ACACA: variants seen among roughly 807,000 people sequenced by gnomAD.
ACACA encodes the protein acetyl-CoA carboxylase alpha.
Under a neutral mutation model 296.1 loss-of-function variants are expected in ACACA, and 103 were observed. That is an observed-to-expected ratio of 0.35 (90% CI 0.30 to 0.41). ACACA has a LOEUF of 0.41. ACACA is among the 10% of genes least tolerant of loss of function. The pLI is 1.00. For synonymous variants in ACACA, 953 were observed against 1,038.6 expected (o/e 0.92, Z 1.58); for missense variants, 1,554 against 2,989.7 (o/e 0.52, Z 11.20).
rs536444750 is a variant in ACACA at position 37,287,599 on chromosome 17, C to A, written c.339-2629G>T. Among the ~76,000 whole-genome samples the A allele has an allele frequency of 3.3e-5, 5 of 149,732 alleles. No homozygotes were observed. The East Asian group carries it at 7.9e-4, about 24-fold the overall frequency. ...AAAAAAAAAAAAAAAAACAAATATC[C>A]AGGCATGGTGGTGCACGTCTGTAAT... is the stretch of plus-strand genomic sequence containing the variant. On this transcript the variant is annotated intron_variant, in intron 3 of 55. Coordinates refer to ENST00000616317, the MANE Select transcript of ACACA (RefSeq NM_198834.3).
chr17:37,118,407 G>T (rs1000560604), intron 50 of ACACA, among the ~76,000 whole-genome samples: 2 of 152,310 alleles, frequency 1.3e-5, no homozygotes, highest in Non-Finnish European at 2.9e-5. Flanking sequence ...TAATTAAAGT[G>T]ATAAATATTA....
chr17:37,165,312 A>G (rs1023796846), intron 41 of ACACA, among the ~76,000 whole-genome samples: 2 of 152,218 alleles, frequency 1.3e-5, no homozygotes, highest in African/African-American at 4.8e-5. Context: ...GATAGGGCAT[A>G]TAAAGGTGAA....
intron 14 of ACACA, among the ~76,000 whole-genome samples, chr17:37,253,373 C>A (rs1433159424): frequency 2.0e-5 from 3 of 151,986 alleles, no homozygotes; most frequent in Non-Finnish European, 4.4e-5. Context: ...GCCTGGGCGA[C>A]AGAGCGAGAC....
chr17:37,267,268 G>A (rs2081827008), intron 10 of ACACA, among the ~76,000 whole-genome samples: 1 of 152,096 alleles, frequency 6.6e-6, no homozygotes, highest in Non-Finnish European at 1.5e-5. Flanking sequence ...GCTCAACTGG[G>A]GTTAGATGGT....
chr17:37,237,919 A>T (rs538756974), intron 24 of ACACA, among the ~76,000 whole-genome samples: 1 of 152,038 alleles, frequency 6.6e-6, no homozygotes, highest in East Asian at 1.9e-4. Flanking sequence ...ATAACACTAC[A>T]CCTGGCTAAT....
intron 3 of ACACA, among the ~76,000 whole-genome samples, chr17:37,295,424 A>G (rs1448270036): frequency 2.6e-5 from 4 of 152,248 alleles, no homozygotes; most frequent in African/African-American, 9.6e-5. Context: ...TGTTTTGAAC[A>G]AAGAATTGAA....
At chr17:37,392,998 C>T (rs1367099819) in intron 1 of ACACA, among the ~76,000 whole-genome samples, 3 of 151,616 alleles carry the variant, frequency 2.0e-5, no homozygotes, top group South Asian at 2.1e-4. Context: ...AAAAATTAGC[C>T]GGGCATGGTG....
chr17:37,089,618 T>A (rs912888210), intron 54 of ACACA, among the ~76,000 whole-genome samples: 1 of 152,094 alleles, frequency 6.6e-6, no homozygotes, highest in South Asian at 2.1e-4. Flanking sequence ...GGGGAACTGA[T>A]GGGAGGGAAG....
At chr17:37,130,042 A>G (rs749765166) in intron 46 of ACACA, 33 bp downstream of exon 46, 2 of 1,613,894 alleles carry the variant, frequency 1.2e-6, no homozygotes, top group South Asian at 2.2e-5. Flanking sequence ...CAGGCTCTGC[A>G]GGCCATGTCA....
intron 1 of ACACA, among the ~76,000 whole-genome samples, chr17:37,393,085 T>C (rs1323272862): frequency 7.1e-6 from 1 of 141,218 alleles, no homozygotes; most frequent in Non-Finnish European, 1.5e-5. Context: ...GAGGTTGCAG[T>C]GAGCCCCGAG....
intron 1 of ACACA, among the ~76,000 whole-genome samples, chr17:37,370,385 G>T (rs1300481582): frequency 4.6e-5 from 7 of 150,636 alleles, no homozygotes; most frequent in South Asian, 2.1e-4. Flanking sequence ...GGTGGCTCAC[G>T]CCTGTAATCC....
intron 47 of ACACA, among the ~76,000 whole-genome samples, chr17:37,127,020 C>T (rs894764477): frequency 6.6e-6 from 1 of 152,098 alleles, no homozygotes; most frequent in African/African-American, 2.4e-5. Flanking sequence ...GATTTGGGAG[C>T]GAGTGTTAGC....
At chr17:37,169,812 TCCAGGTGAAAC>T (rs1295498828) in intron 41 of ACACA, among the ~76,000 whole-genome samples, 2 of 152,142 alleles carry the variant, frequency 1.3e-5, no homozygotes, top group African/African-American at 4.8e-5. Context: ...AACATTTTTA[TCCAGGTGAAAC>T]CCAGTGAAAA....
intron 3 of ACACA, among the ~76,000 whole-genome samples, chr17:37,286,342 T>C (rs1399480792): frequency 3.9e-5 from 6 of 152,204 alleles, no homozygotes; most frequent in Non-Finnish European, 4.4e-5. Context: ...TTGCAAATAA[T>C]TTAACCTTTT....
rs2050679186 is a variant in ACACA, at chr17:37,389,178, G to A, written c.38+17084C>T. ...TGGCTTCCTTTAAGTTGCCCAACAA[G>A]AGGTTTGGAAGAAAACCAAATGCTT... On this transcript the variant is annotated intron_variant, in intron 1 of 55. Coordinates refer to ENST00000616317, the MANE Select transcript of ACACA (RefSeq NM_198834.3). 7 of 1,517,486 alleles carry A rather than the reference G, an allele frequency of 4.6e-6. No individual in the cohort carries two copies. The Admixed American group carries it at 1.5e-4, about 32-fold the overall frequency. 94.0% of individuals were successfully genotyped at this position (1,517,486 alleles called of 1,614,324 possible).
At chr17:37,173,899 C>T (rs1432723230) in intron 41 of ACACA, among the ~76,000 whole-genome samples, 1 of 143,222 alleles carries the variant, frequency 7.0e-6, no homozygotes, top group East Asian at 2.0e-4. Context: ...CTGCATCCTC[C>T]ACCTCCTGGG....
intron 54 of ACACA, among the ~76,000 whole-genome samples, chr17:37,095,216 C>T (rs897540322): frequency 6.6e-6 from 1 of 152,152 alleles, no homozygotes; most frequent in Non-Finnish European, 1.5e-5. Context: ...TTTACCTAGC[C>T]GGCCACTCTT....
At chr17:37,361,251 A>G (rs1410320355) in intron 1 of ACACA, among the ~76,000 whole-genome samples, 1 of 151,852 alleles carries the variant, frequency 6.6e-6, no homozygotes, top group African/African-American at 2.4e-5. Flanking sequence ...GTTGGCCAGG[A>G]TGGTCTCGAT....
chr17:37,372,391 C>T (rs974762519), intron 1 of ACACA, among the ~76,000 whole-genome samples: 7 of 138,140 alleles, frequency 5.1e-5, no homozygotes, highest in Admixed American at 1.5e-4. Flanking sequence ...CCAGCCTGGG[C>T]GACAGAGCGA....
Sources: gnomAD v4.1 joint callset for allele counts (sites outside exome capture counted in the v4.1 genomes callset) on GRCh38, gnomAD v4.1.1 for gene constraint, MANE v1.5 for transcripts, NCBI Gene and HGNC (gene_info 2026-07-23, HGNC 2026-07-21) for gene names.